GALNT2: variants seen among roughly 807,000 people sequenced by gnomAD.
GALNT2 encodes the protein polypeptide N-acetylgalactosaminyltransferase 2, also known as UDP-GalNAc:polypeptide N-acetylgalactosaminyltransferase 2.
In GALNT2, 31 loss-of-function variants were observed where a neutral mutation model predicts 81.4. The ratio of observed to expected loss-of-function variants is 0.38; its 90% CI spans 0.29 to 0.51. The LOEUF (loss-of-function observed/expected upper bound fraction) is 0.51, where lower values mean the gene tolerates loss of function less well. Among genes scored for constraint, GALNT2 ranks in the 20% least tolerant of loss-of-function variants. The pLI, the probability that GALNT2 is intolerant of heterozygous loss-of-function variation, is 0.87. For synonymous variants in GALNT2, 303 were observed against 287.4 expected (o/e 1.05, Z -0.55); for missense variants, 629 against 765.7 (o/e 0.82, Z 2.11).
At chr1:230,121,798 T>C (rs1661023279) in intron 1 of GALNT2, among the ~76,000 whole-genome samples, 1 of 152,128 alleles carries the variant, frequency 6.6e-6, no homozygotes, top group Admixed American at 6.6e-5. Flanking sequence ...AAGGGGACAT[T>C]GGGACATTGG....
At chr1:230,222,601 T>C (rs7535180) in intron 3 of GALNT2, among the ~76,000 whole-genome samples, 22,488 of 152,160 alleles carry the variant, frequency 0.15, 1,864 homozygotes, top group African/African-American at 0.22. Flanking sequence ...TTTTTATCTT[T>C]TTAAACTTAG....
chr1:230,172,510 T>C (rs1374042275), intron 1 of GALNT2, among the ~76,000 whole-genome samples: 1 of 152,244 alleles, frequency 6.6e-6, no homozygotes, highest in African/African-American at 2.4e-5. Context: ...CAGCAGTTGA[T>C]AAGTCAGGTA....
chr1:230,173,560 C>T (rs1024040099), intron 1 of GALNT2, among the ~76,000 whole-genome samples: 1 of 152,208 alleles, frequency 6.6e-6, no homozygotes. Flanking sequence ...TTTGAATTCT[C>T]TGCAACTTTT....
chr1:230,090,453 C>T (rs1244260093), intron 1 of GALNT2, among the ~76,000 whole-genome samples: 1 of 152,124 alleles, frequency 6.6e-6, no homozygotes, highest in Non-Finnish European at 1.5e-5. Context: ...AGGTGGTGGA[C>T]CTGCTACCAG....
intron 11 of GALNT2, among the ~76,000 whole-genome samples, chr1:230,261,081 C>CTTTTTTTTTTTTTTTTTT: frequency 7.7e-6 from 1 of 130,398 alleles, no homozygotes; most frequent in Non-Finnish European, 1.6e-5. Flanking sequence ...TAAAGTTTCT[C>CTTTTTTTTTTTTTTTTTT]TTTTTTTTTT....
chr1:230,237,531 G>C (rs1000034603), intron 6 of GALNT2, among the ~76,000 whole-genome samples: 2 of 152,164 alleles, frequency 1.3e-5, no homozygotes, highest in Non-Finnish European at 2.9e-5. Context: ...CATTACATAT[G>C]CACTCCAGCT....
chr1:230,205,824 G>A (rs886389097), intron 3 of GALNT2, among the ~76,000 whole-genome samples: 4 of 151,712 alleles, frequency 2.6e-5, no homozygotes, highest in South Asian at 2.1e-4. Flanking sequence ...GTGCTTCTCC[G>A]GCCCCCACCC....
intron 3 of GALNT2, among the ~76,000 whole-genome samples, chr1:230,208,049 A>G (rs1664120668): frequency 6.6e-6 from 1 of 152,198 alleles, no homozygotes; most frequent in Admixed American, 6.5e-5. Context: ...TGATCTCTGC[A>G]TGGTTTCTCA....
At chr1:230,061,738 C>T (rs1194622424) in intron 1 of GALNT2, among the ~76,000 whole-genome samples, 1 of 152,116 alleles carries the variant, frequency 6.6e-6, no homozygotes, top group Non-Finnish European at 1.5e-5. Flanking sequence ...TTCTAGGTAA[C>T]CAACTCAATT....
chr1:230,151,166 G>T (rs1447881525), intron 1 of GALNT2, among the ~76,000 whole-genome samples: 1 of 152,148 alleles, frequency 6.6e-6, no homozygotes. Flanking sequence ...TACAGTTGAC[G>T]ATCACCGTGG....
chr1:230,114,762 G>T (rs1660797023), intron 1 of GALNT2, among the ~76,000 whole-genome samples: 1 of 152,186 alleles, frequency 6.6e-6, no homozygotes, highest in Admixed American at 6.5e-5. Context: ...GGCATTAATG[G>T]CAGTAAAGAT....
chr1:230,225,583 C>T (rs1664681229), intron 3 of GALNT2, among the ~76,000 whole-genome samples: 1 of 151,120 alleles, frequency 6.6e-6, no homozygotes, highest in South Asian at 2.1e-4. Flanking sequence ...AGGAACACAG[C>T]GTGGGCTGGG....
At chr1:230,245,756 G>T (rs2102744094) in intron 7 of GALNT2, among the ~76,000 whole-genome samples, 1 of 152,308 alleles carries the variant, frequency 6.6e-6, no homozygotes, top group Admixed American at 6.5e-5. Context: ...TTTGCCTTTA[G>T]CTGGGTGAAC....
intron 3 of GALNT2, among the ~76,000 whole-genome samples, chr1:230,204,956 G>A (rs2102708441): frequency 6.6e-6 from 1 of 152,254 alleles, no homozygotes; most frequent in South Asian, 2.1e-4. Flanking sequence ...GAATACTTTT[G>A]AGGCACTCAG....
chr1:230,222,590 CT>C (rs1398857103), intron 3 of GALNT2, among the ~76,000 whole-genome samples: 2 of 150,764 alleles, frequency 1.3e-5, no homozygotes, highest in Admixed American at 6.6e-5. Flanking sequence ...ATTTTTTTTT[CT>C]TTTTATCTTT....
intron 1 of GALNT2, among the ~76,000 whole-genome samples, chr1:230,079,772 G>A (rs561841190): frequency 1.5e-4 from 23 of 152,342 alleles, no homozygotes; most frequent in African/African-American, 4.8e-4. Flanking sequence ...GAGGCTGGCC[G>A]TCATGAAAGG....
chr1:230,067,965 A>G (rs560497682), intron 1 of GALNT2, among the ~76,000 whole-genome samples: 1 of 151,958 alleles, frequency 6.6e-6, no homozygotes, highest in South Asian at 2.1e-4. Context: ...TCCCGTGCCA[A>G]GTAAAGCCCC....
chr1:230,107,610 T>TTGTGTGTGTGTGTGTGTGTGTG (rs3033608), intron 1 of GALNT2, among the ~76,000 whole-genome samples: 91 of 141,200 alleles, frequency 6.4e-4, no homozygotes, highest in Non-Finnish European at 9.1e-4. Flanking sequence ...CTCATGGACT[T>TTGTGTGTGTGTGTGTGTGTGTG]TGTGTGTGTG....
intron 1 of GALNT2, among the ~76,000 whole-genome samples, chr1:230,170,406 G>C (rs1340844487): frequency 6.6e-6 from 1 of 152,162 alleles, no homozygotes; most frequent in Non-Finnish European, 1.5e-5. Context: ...ACTCTTTCTT[G>C]TAAACCAAAC....
Sources: allele counts gnomAD v4.1 joint callset (sites outside exome capture counted in the v4.1 genomes callset), GRCh38; gene constraint gnomAD v4.1.1; transcripts MANE v1.5; gene names NCBI Gene and HGNC (gene_info 2026-07-23, HGNC 2026-07-21).